Variants in GPD2 observed in about 807,000 individuals in gnomAD.
The protein encoded by GPD2 is glycerol-3-phosphate dehydrogenase 2.
In GPD2, 54 loss-of-function variants were observed where a neutral mutation model predicts 82.4. That is an observed-to-expected ratio of 0.66 (90% CI 0.53 to 0.82). The LOEUF (loss-of-function observed/expected upper bound fraction) is 0.82. Ranked by LOEUF, GPD2 falls within the 40% of genes least tolerant of loss-of-function variation. The pLI is 0.00. For missense variants in GPD2, 748 were observed against 896.2 expected (o/e 0.83, Z 2.11); for synonymous variants, 288 against 306.1 (o/e 0.94, Z 0.62).
At chr2:156,582,594 G>C (rs908539327) in intron 16 of GPD2, among the ~76,000 whole-genome samples, 199 bp from the exon 17 acceptor site, 2 of 151,768 alleles carry the variant, frequency 1.3e-5, no homozygotes, top group African/African-American at 4.8e-5. Context: ...TTTTGTGGCA[G>C]TGTTGAAATA....
At position 156,445,802 on chromosome 2, in the gene GPD2, T is replaced by G. The variant is rs549910497; in HGVS notation, c.-9+9289T>G. On this transcript the variant is annotated intron_variant, in intron 1 of 16. Coordinates refer to ENST00000438166, the MANE Select transcript of GPD2 (RefSeq NM_000408.5). The stretch of plus-strand genomic sequence containing the variant: ...TGTAGTTTTTTTCAAACTTTCAGCA[T>G]TTTCTTTGAGTCTTTTATGTCACCC... Among the ~76,000 whole-genome samples the G allele has an allele frequency of 3.3e-3, 499 of 152,310 alleles. 10 individuals are homozygous for G. Among genetic ancestry groups the G allele is most frequent in the African/African-American group, 0.012 (479 of 41,564 alleles).
upstream of GPD2, among the ~76,000 whole-genome samples, chr2:156,434,510 C>G (rs1688369220): frequency 6.6e-6 from 1 of 152,094 alleles, no homozygotes; most frequent in Admixed American, 6.5e-5. Context: ...TTCTTCGTAT[C>G]ACAAATTCCA....
At chr2:156,499,145 G>A (rs1411955406) in intron 3 of GPD2, among the ~76,000 whole-genome samples, 1 of 152,156 alleles carries the variant, frequency 6.6e-6, no homozygotes, top group African/African-American at 2.4e-5. Context: ...TACGAGGTGA[G>A]ATGTTCTACT....
chr2:156,527,749 G>A (rs577329465), intron 6 of GPD2, among the ~76,000 whole-genome samples: 4 of 152,162 alleles, frequency 2.6e-5, no homozygotes, highest in Non-Finnish European at 5.9e-5. Context: ...TGTCAAAGAT[G>A]ATTAACATGT....
intron 13 of GPD2, among the ~76,000 whole-genome samples, chr2:156,575,646 T>C (rs1233514831): frequency 6.6e-6 from 1 of 152,032 alleles, no homozygotes; most frequent in African/African-American, 2.4e-5. Flanking sequence ...GCTCATGCGA[T>C]CCACCTGCCT....
intron 1 of GPD2, among the ~76,000 whole-genome samples, chr2:156,464,338 G>A (rs747332704): frequency 1.3e-5 from 2 of 152,100 alleles, no homozygotes; most frequent in Non-Finnish European, 1.5e-5. Flanking sequence ...ACTACAGTAC[G>A]TCTCAGGTTT....
At chr2:156,460,130 C>T (rs1682939776) in intron 1 of GPD2, among the ~76,000 whole-genome samples, 1 of 152,186 alleles carries the variant, frequency 6.6e-6, no homozygotes, top group South Asian at 2.1e-4. Flanking sequence ...TTATCTCAGA[C>T]ATTATCTCAA....
chr2:156,400,478 G>T, the GPD2 span, among the ~76,000 whole-genome samples: 4 of 152,206 alleles, frequency 2.6e-5, no homozygotes, highest in Non-Finnish European at 5.9e-5. Context: ...GAGTCCCGCC[G>T]CTGTGGCCGC....
chr2:156,547,970 C>T (rs1432293239), intron 6 of GPD2, among the ~76,000 whole-genome samples: 1 of 152,174 alleles, frequency 6.6e-6, no homozygotes, highest in African/African-American at 2.4e-5. Flanking sequence ...GAGCGTTTCT[C>T]TAAGCCTATG....
intron 1 of GPD2, among the ~76,000 whole-genome samples, chr2:156,458,699 ATGG>A (rs1347874527): frequency 6.6e-6 from 1 of 152,222 alleles, no homozygotes; most frequent in Non-Finnish European, 1.5e-5. Flanking sequence ...CACTCAAGTA[ATGG>A]TCAGATGATA....
chr2:156,480,333 A>T (rs1683678502), intron 2 of GPD2, among the ~76,000 whole-genome samples: 1 of 152,214 alleles, frequency 6.6e-6, no homozygotes, highest in South Asian at 2.1e-4. Context: ...GGGAGTGGCC[A>T]GGGAGAATGA....
intron 6 of GPD2, among the ~76,000 whole-genome samples, chr2:156,519,609 G>A (rs948188598): frequency 1.6e-4 from 24 of 152,224 alleles, no homozygotes; most frequent in African/African-American, 7.2e-5. Flanking sequence ...AAAAGAATAC[G>A]TGTAACACGT....
chr2:156,533,292 C>A (rs1003279564), intron 6 of GPD2, among the ~76,000 whole-genome samples: 2 of 152,150 alleles, frequency 1.3e-5, no homozygotes, highest in African/African-American at 2.4e-5. Flanking sequence ...TAATGAAAAG[C>A]TGAGCAGTCT....
intron 1 of GPD2, among the ~76,000 whole-genome samples, chr2:156,450,502 G>T (rs956416526): frequency 6.6e-6 from 1 of 151,912 alleles, no homozygotes; most frequent in Non-Finnish European, 1.5e-5. Context: ...GAATTCAAAA[G>T]ATATTAAAAA....
At chr2:156,540,180 CA>C (rs774738521) in intron 6 of GPD2, among the ~76,000 whole-genome samples, 2 of 152,196 alleles carry the variant, frequency 1.3e-5, no homozygotes, top group Non-Finnish European at 2.9e-5. Flanking sequence ...GACCCACAAC[CA>C]GTGCACCGAA....
chr2:156,408,627 C>G, the GPD2 span, among the ~76,000 whole-genome samples: 8 of 150,150 alleles, frequency 5.3e-5, no homozygotes, highest in Non-Finnish European at 1.2e-4. Flanking sequence ...GTAGTCCCAG[C>G]TACAGGGGAG....
chr2:156,495,281 A>G (rs1479849832), intron 2 of GPD2, among the ~76,000 whole-genome samples: 2 of 152,142 alleles, frequency 1.3e-5, no homozygotes, highest in Middle Eastern at 3.2e-3. Context: ...CGTGGGGAGG[A>G]TGAGGTTGCA....
chr2:156,447,073 ATTTG>A (rs1394449661), intron 1 of GPD2, among the ~76,000 whole-genome samples: 6 of 151,924 alleles, frequency 3.9e-5, no homozygotes, highest in African/African-American at 1.2e-4. Context: ...GCATGTATTT[ATTTG>A]TTTGTTTGTG....
At chr2:156,451,128 T>G (rs1682547557) in intron 1 of GPD2, among the ~76,000 whole-genome samples, 2 of 151,126 alleles carry the variant, frequency 1.3e-5, no homozygotes, top group South Asian at 2.1e-4. Flanking sequence ...CCCCGTTCTA[T>G]TCCACAAAAC....
Sources: gnomAD v4.1 joint callset for allele counts (sites outside exome capture counted in the v4.1 genomes callset) on GRCh38, gnomAD v4.1.1 for gene constraint, MANE v1.5 for transcripts, NCBI Gene and HGNC (gene_info 2026-07-23, HGNC 2026-07-21) for gene names.